Variants in ANO5 observed in about 807,000 individuals in gnomAD.
ANO5 encodes anoctamin 5, also known as anoctamin-5.
In ANO5, 109 loss-of-function variants were observed where a neutral mutation model predicts 121.0. The ratio of observed to expected loss-of-function variants is 0.90; its 90% CI spans 0.77 to 1.06. The LOEUF (loss-of-function observed/expected upper bound fraction) is 1.06, where lower values mean the gene tolerates loss of function less well. Among genes scored for constraint, ANO5 ranks in the 50% least tolerant of loss-of-function variants. ANO5 has a pLI of 0.00. For synonymous variants in ANO5, 406 were observed against 359.9 expected (o/e 1.13, Z -1.45); for missense variants, 1,064 against 1,078.5 (o/e 0.99, Z 0.19).
Position 22,193,210 on chromosome 11 carries a change from G to A in ANO5, c.-283G>A. On this transcript the variant is annotated 5_prime_UTR_variant, in exon 1 of 22. Transcript: ENST00000324559. ...AGGAGCGCTACCGGCTGAGGGTGGGGAAGCGCAGGGCCAAGCGCGCGAAGC... is the reference window on the plus strand; with the variant it reads ...AGGAGCGCTACCGGCTGAGGGTGGGAAAGCGCAGGGCCAAGCGCGCGAAGC... The A allele has an allele frequency of 7.6e-7, 1 of 1,309,310 alleles. No homozygotes were observed. 81.1% of individuals were successfully genotyped at this position (1,309,310 alleles called of 1,614,324 possible). A position where few individuals can be genotyped will look rare whatever the true frequency, so the allele number is the denominator to read the frequency against.
chr11:22,237,788 T>G (rs1376555746), intron 8 of ANO5, among the ~76,000 whole-genome samples: 1 of 152,202 alleles, frequency 6.6e-6, no homozygotes, highest in Admixed American at 6.5e-5. Context: ...GCCTCTTCTT[T>G]TTTTCAACAG....
At chr11:22,219,366 G>T (rs2133581926) in intron 4 of ANO5, among the ~76,000 whole-genome samples, 1 of 152,130 alleles carries the variant, frequency 6.6e-6, no homozygotes, top group South Asian at 2.1e-4. Context: ...CTCTGAATAT[G>T]AGTTTTGTTA....
chr11:22,264,852 G>A (rs1392665267), intron 17 of ANO5, among the ~76,000 whole-genome samples: 1 of 152,118 alleles, frequency 6.6e-6, no homozygotes, highest in African/African-American at 2.4e-5. Context: ...TACAGTTCCA[G>A]CCTGGACATG....
chr11:22,254,331 A>G (rs1207159007), intron 12 of ANO5, among the ~76,000 whole-genome samples: 2 of 152,174 alleles, frequency 1.3e-5, no homozygotes, highest in East Asian at 3.8e-4. Flanking sequence ...TATAGATGAT[A>G]CAATTATGAG....
At chr11:22,257,078 T>C (rs61139959) in intron 13 of ANO5, among the ~76,000 whole-genome samples, 1 of 140,212 alleles carries the variant, frequency 7.1e-6, no homozygotes, top group Non-Finnish European at 1.5e-5. Context: ...CAGCGTTTTT[T>C]TTTTGTTTGT....
At position 22,236,272 on chromosome 11, in the gene ANO5, A is replaced by C. The variant is rs886044915; in HGVS notation, c.758A>C (p.His253Pro). Reference protein sequence around the residue: ...SNTYSSAYPLHDGQYWKPSEP... With the variant: ...SNTYSSAYPLPDGQYWKPSEP... ...ACTTACTCATCTGCCTATCCACTCC[A>C]TGATGTATGTATAGGTTTGATTGTG... is the stretch of plus-strand genomic sequence containing the variant. The change falls in exon 8 of 22, where the codon CAT becomes CCT. Residue 253 changes from histidine to proline, a missense_variant. By Grantham distance (77) the His-to-Pro change is moderately conservative (BLOSUM62 -2). Coordinates refer to ENST00000324559, the MANE Select transcript of ANO5 (RefSeq NM_213599.3). The C allele has an allele frequency of 6.2e-7, 1 of 1,603,354 alleles. No individual in the cohort carries two copies. The highest frequency in any genetic ancestry group is 1.7e-4 in the Middle Eastern group (1 of 6,040).
chr11:22,273,733 G>A (rs999900887), intron 19 of ANO5, among the ~76,000 whole-genome samples: 1 of 152,000 alleles, frequency 6.6e-6, no homozygotes, highest in South Asian at 2.1e-4. Flanking sequence ...TAATTGCTAA[G>A]TAAATCAAGA....
At chr11:22,273,040 G>T in intron 19 of ANO5, 51 bp downstream of exon 19, 1 of 1,509,716 alleles carries the variant, frequency 6.6e-7, no homozygotes, top group Non-Finnish European at 9.2e-7. Flanking sequence ...TTTGGGGGGT[G>T]TGGGGAGATG....
chr11:22,273,872 G>T (rs1383605915), intron 19 of ANO5, among the ~76,000 whole-genome samples: 2 of 152,000 alleles, frequency 1.3e-5, no homozygotes, highest in African/African-American at 4.8e-5. Flanking sequence ...AGCAAAAATT[G>T]CCAGATCTAT....
chr11:22,280,987 A>T lies in ANO5; in HGVS notation c.*1222A>T, dbSNP rs1855055241. On this transcript the variant is annotated 3_prime_UTR_variant, in exon 22 of 22. Coordinates refer to ENST00000324559, the MANE Select transcript of ANO5 (RefSeq NM_213599.3). ...GGACTTAATAATCTAAGGGGGAAAA[A>T]ATGTTTGTTGAATTATTCCTCTCAA... 6.6e-6 allele frequency: 1 copy of T among 151,982 alleles called. No individual in the cohort carries two copies. Among genetic ancestry groups the T allele is most frequent in the African/African-American group, 2.4e-5 (1 of 41,434 alleles). The allele number at this position is 151,982 out of a possible 1,614,324, so 9.4% of individuals were successfully genotyped here. A position where few individuals can be genotyped will look rare whatever the true frequency, so the allele number is the denominator to read the frequency against.
chr11:22,211,418 C>A (rs1852272484), intron 3 of ANO5, 104 bp downstream of exon 3: 3 of 1,295,308 alleles, frequency 2.3e-6, no homozygotes, highest in Non-Finnish European at 2.2e-6. Flanking sequence ...ATTTGACATG[C>A]TCTCATACAT....
chr11:22,251,078 C>G, intron 12 of ANO5, 67 bp downstream of exon 12: 1 of 1,419,410 alleles, frequency 7.0e-7, no homozygotes, highest in Non-Finnish European at 9.8e-7. Context: ...CTCCATATAA[C>G]ATATGACAGA....
intron 8 of ANO5, among the ~76,000 whole-genome samples, chr11:22,238,400 C>T (rs1437853414): frequency 1.3e-5 from 2 of 150,968 alleles, no homozygotes; most frequent in Non-Finnish European, 2.9e-5. Flanking sequence ...CAATTTTAAA[C>T]TATGCATGTA....
At chr11:22,249,227 A>C (rs2133699032) in intron 9 of ANO5, among the ~76,000 whole-genome samples, 1 of 152,224 alleles carries the variant, frequency 6.6e-6, no homozygotes, top group East Asian at 1.9e-4. Flanking sequence ...TGGGATGTTC[A>C]ATAAAGTTAA....
At chr11:22,249,921 T>C (rs1280056589) in intron 9 of ANO5, among the ~76,000 whole-genome samples, 1 of 152,208 alleles carries the variant, frequency 6.6e-6, no homozygotes, top group Non-Finnish European at 1.5e-5. Context: ...AAATTCTCTT[T>C]ATAATACAGA....
intron 2 of ANO5, among the ~76,000 whole-genome samples, chr11:22,204,262 A>G (rs1852047485): frequency 6.6e-6 from 1 of 152,094 alleles, no homozygotes; most frequent in South Asian, 2.1e-4. Context: ...AACACATTAA[A>G]TAGAATAATA....
At chr11:22,277,825 G>A (rs1854924206) in intron 21 of ANO5, 1 of 151,254 alleles carries the variant, frequency 6.6e-6, no homozygotes, top group African/African-American at 2.4e-5. Flanking sequence ...TCTTCATCTT[G>A]TCTTCTATTG....
At chr11:22,199,313 T>A (rs1405661870) in intron 1 of ANO5, among the ~76,000 whole-genome samples, 1 of 152,188 alleles carries the variant, frequency 6.6e-6, no homozygotes, top group Non-Finnish European at 1.5e-5. Flanking sequence ...ATTTAGTGCT[T>A]ACACAAACAT....
chr11:22,211,131 CAT>C, intron 2 of ANO5, 131 bp from the exon 3 acceptor site: 1 of 956,058 alleles, frequency 1.0e-6, no homozygotes, highest in Non-Finnish European at 1.7e-6. Context: ...CACAGTTTTG[CAT>C]ATGATTTAAT....
Sources: gnomAD v4.1 joint callset for allele counts (sites outside exome capture counted in the v4.1 genomes callset) on GRCh38, gnomAD v4.1.1 for gene constraint, MANE v1.5 for transcripts, NCBI Gene and HGNC (gene_info 2026-07-23, HGNC 2026-07-21) for gene names.